DERA: variants seen among roughly 807,000 people sequenced by gnomAD.
DERA encodes 2-deoxy-D-ribose 5-phosphate aldolase.
In DERA, 15 loss-of-function variants were observed where a neutral mutation model predicts 41.1. The ratio of observed to expected loss-of-function variants is 0.37; its 90% CI spans 0.24 to 0.56. DERA has a LOEUF of 0.56. Ranked by LOEUF, DERA falls within the 20% of genes least tolerant of loss-of-function variation. The pLI is 0.81. For synonymous variants in DERA, 139 were observed against 137.4 expected, an observed-to-expected ratio of 1.01 and a Z score of -0.08; for missense variants, 396 against 403.4, an observed-to-expected ratio of 0.98 and a Z score of 0.16.
chr12:15,984,754 T>C lies in DERA; in HGVS notation c.637+2318T>C, dbSNP rs1483186550. ...TTGTGAGGCATAATATATGAAAGCA[T>C]GTAGCATACTTCCTGGCCTATAGTT... On this transcript the variant is annotated intron_variant, in intron 6 of 8. Coordinates refer to ENST00000428559, the MANE Select transcript of DERA (RefSeq NM_015954.4). This position sits in a 1 kb window ranked among gnomAD's most constrained non-coding sequence, Gnocchi z 4.5. Among the ~76,000 whole-genome samples the C allele has an allele frequency of 6.6e-6, 1 of 152,214 alleles. No homozygotes were observed. Among genetic ancestry groups the C allele is most frequent in the Non-Finnish European group, 1.5e-5 (1 of 68,030 alleles).
chr12:15,991,191 C>T (rs111823926), intron 6 of DERA, among the ~76,000 whole-genome samples: 9,915 of 152,114 alleles, frequency 0.065, 1,035 homozygotes, highest in African/African-American at 0.22. Flanking sequence ...TTTTGATTTG[C>T]GTTTCTCTAA....
chr12:15,998,662 T>A lies in DERA; in HGVS notation c.637+16226T>A, dbSNP rs1324999259. Among the ~76,000 whole-genome samples, 1 of 152,196 alleles carries A rather than the reference T, an allele frequency of 6.6e-6. No individual in the cohort carries two copies. The highest frequency in any genetic ancestry group is 1.5e-5 in the Non-Finnish European group (1 of 68,036). On this transcript the variant is annotated intron_variant, in intron 6 of 8. Coordinates refer to ENST00000428559, the MANE Select transcript of DERA (RefSeq NM_015954.4). The surrounding 1 kb of genome is among the most constrained non-coding windows in gnomAD (Gnocchi z 4.8). Reference sequence around the variant, plus strand: ...CTCACATTTGTAGTTCAGAGATGGCTTAAAGAGCTTCAGATTCTGAGGTAG... The same window carrying A: ...CTCACATTTGTAGTTCAGAGATGGCATAAAGAGCTTCAGATTCTGAGGTAG...
rs1459484577 is a variant in DERA, at chr12:15,924,876, A to G, written c.31+13462A>G. ...TTTCAGCCTTGTGTTTTTATGTTCT[A>G]ATGCTGCCTTATTAATAGGCTGCTT... On this transcript the variant is annotated intron_variant, in intron 1 of 8. Transcript: ENST00000428559. The surrounding 1 kb of genome is among the most constrained non-coding windows in gnomAD (Gnocchi z 5.0). 6.6e-6 allele frequency among the ~76,000 whole-genome samples: 1 copy of G among 152,154 alleles called. No homozygotes were observed. The highest frequency in any genetic ancestry group is 1.5e-5 in the Non-Finnish European group (1 of 68,026).
rs1340201637 is a variant in DERA, at chr12:16,008,450, A to G, written c.638-24092A>G. ...TAGCTGGTGGTGTCTTAGGGGTGTC[A>G]GCTGCACAGAGCAGAGTGTGTGAGG... is the stretch of plus-strand genomic sequence containing the variant. On this transcript the variant is annotated intron_variant, in intron 6 of 8. Coordinates refer to ENST00000428559, the MANE Select transcript of DERA (RefSeq NM_015954.4). The surrounding 1 kb of genome is among the most constrained non-coding windows in gnomAD (Gnocchi z 4.8). 1.3e-5 allele frequency among the ~76,000 whole-genome samples: 2 copies of G among 152,186 alleles called. No homozygotes were observed. Among genetic ancestry groups the G allele is most frequent in the African/African-American group, 4.8e-5 (2 of 41,448 alleles).
intron 1 of DERA, among the ~76,000 whole-genome samples, chr12:15,934,096 T>C (rs1948348535): frequency 6.6e-6 from 1 of 152,150 alleles, no homozygotes; most frequent in Admixed American, 6.5e-5. Context: ...TAAATTGTTA[T>C]CCATGGTTTT....
rs1053344884 is a variant in DERA, at chr12:15,918,864, A to G, written c.31+7450A>G. Reference sequence around the variant, plus strand: ...GTTTCTGACGGAGTAGTTTCTACAAAGGGACTAGCAAAAGCAGCCTGGCAT... The same window carrying G: ...GTTTCTGACGGAGTAGTTTCTACAAGGGGACTAGCAAAAGCAGCCTGGCAT... On this transcript the variant is annotated intron_variant, in intron 1 of 8. Transcript: ENST00000428559. The surrounding 1 kb of genome is among the most constrained non-coding windows in gnomAD (Gnocchi z 4.3). Among the ~76,000 whole-genome samples, 15 of 152,332 alleles carry G rather than the reference A, an allele frequency of 9.8e-5. No homozygotes were observed. Among genetic ancestry groups the G allele is most frequent in the African/African-American group, 2.4e-5 (1 of 41,578 alleles).
At chr12:15,960,034 T>C in intron 4 of DERA, 110 bp downstream of exon 4, 1 of 742,916 alleles carries the variant, frequency 1.3e-6, no homozygotes. Flanking sequence ...GTTTATGTAT[T>C]TAATTAGTTG....
At position 15,996,676 on chromosome 12, in the gene DERA, C is replaced by A. The variant is rs75552912; in HGVS notation, c.637+14240C>A. Among the ~76,000 whole-genome samples, 8,621 of 152,190 alleles carry A rather than the reference C, an allele frequency of 0.057. 333 individuals carry two copies. The highest frequency in any genetic ancestry group is 0.099 in the Middle Eastern group (29 of 294). On this transcript the variant is annotated intron_variant, in intron 6 of 8. Transcript: ENST00000428559. The surrounding 1 kb of genome is among the most constrained non-coding windows in gnomAD (Gnocchi z 4.7). The stretch of plus-strand genomic sequence containing the variant: ...ATTGAGGGGTGAGATTTTGACATCT[C>A]TTTTTTGGGGGAAACAATTCAAAGC...
chr12:15,925,701 A>G (rs1948276911), intron 1 of DERA, among the ~76,000 whole-genome samples: 1 of 151,842 alleles, frequency 6.6e-6, no homozygotes, highest in South Asian at 2.1e-4. Context: ...TTGAAGGTTT[A>G]GTCCCTGTGG....
chr12:15,934,647 C>T (rs1236266728), intron 1 of DERA, among the ~76,000 whole-genome samples: 2 of 151,790 alleles, frequency 1.3e-5, no homozygotes, highest in African/African-American at 4.8e-5. Context: ...AAATTCAAAA[C>T]AAAATGGGTG....
intron 1 of DERA, chr12:15,916,099 A>G (rs1948196877): frequency 2.0e-5 from 3 of 152,208 alleles, no homozygotes; most frequent in Admixed American, 6.5e-5. Flanking sequence ...GCCATAACCC[A>G]CATCTTAACC....
rs1289662715 is a variant in DERA, at chr12:15,954,953, A to G, written c.32-1983A>G. On this transcript the variant is annotated intron_variant, in intron 1 of 8. Transcript: ENST00000428559. This position sits in a 1 kb window ranked among gnomAD's most constrained non-coding sequence, Gnocchi z 4.0. ...TCATTTTTCTATATCTGCTTGAAAC[A>G]GTCTTTACCATGAACCAAATCAGCA... Among the ~76,000 whole-genome samples, 3 of 151,988 alleles carry G rather than the reference A, an allele frequency of 2.0e-5. No homozygotes were observed. Among genetic ancestry groups the G allele is most frequent in the African/African-American group, 7.2e-5 (3 of 41,398 alleles).
Position 15,938,548 on chromosome 12 carries a change from A to G in DERA, c.32-18388A>G, listed in dbSNP as rs988815137. 1.3e-5 allele frequency among the ~76,000 whole-genome samples: 2 copies of G among 152,156 alleles called. No homozygotes were observed. Among genetic ancestry groups the G allele is most frequent in the South Asian group, 4.1e-4 (2 of 4,834 alleles). Reference sequence around the variant, plus strand: ...TGCATTTTGTGTTTATTAAGTTTAAAATTCTTGATAGTTTTCAATTGATTC... The same window carrying G: ...TGCATTTTGTGTTTATTAAGTTTAAGATTCTTGATAGTTTTCAATTGATTC... On this transcript the variant is annotated intron_variant, in intron 1 of 8. Coordinates refer to ENST00000428559, the MANE Select transcript of DERA (RefSeq NM_015954.4). This position sits in a 1 kb window ranked among gnomAD's most constrained non-coding sequence, Gnocchi z 4.1.
rs1316422723 is a variant in DERA, at chr12:15,941,301, CAG to C, written c.32-15631_32-15630del. ...TAGCTGCTATAGCAAATGGGTATAA[CAG>C]AGACACAACAGTGTTGAATACTTCT... On this transcript the variant is annotated intron_variant, in intron 1 of 8. Coordinates refer to ENST00000428559, the MANE Select transcript of DERA (RefSeq NM_015954.4). This position sits in a 1 kb window ranked among gnomAD's most constrained non-coding sequence, Gnocchi z 4.5. Among the ~76,000 whole-genome samples, 4 of 152,102 alleles carry C rather than the reference CAG, an allele frequency of 2.6e-5. No individual in the cohort carries two copies. The highest frequency in any genetic ancestry group is 7.2e-5 in the African/African-American group (3 of 41,420).
intron 4 of DERA, among the ~76,000 whole-genome samples, chr12:15,961,526 T>A (rs936212096): frequency 6.6e-6 from 1 of 151,986 alleles, no homozygotes; most frequent in African/African-American, 2.4e-5. Context: ...TAAGTAAAAA[T>A]TTAAAAGGAG....
intron 1 of DERA, among the ~76,000 whole-genome samples, chr12:15,945,261 G>A (rs916755783): frequency 3.3e-5 from 5 of 152,176 alleles, no homozygotes; most frequent in African/African-American, 1.2e-4. Context: ...TTCCAATTCT[G>A]TGAAGAAAGT....
At chr12:16,028,507 A>G (rs1222283849) in intron 6 of DERA, among the ~76,000 whole-genome samples, 1 of 152,250 alleles carries the variant, frequency 6.6e-6, no homozygotes, top group Non-Finnish European at 1.5e-5. Flanking sequence ...GAGGTGGATT[A>G]TAACTTCCCA....
chr12:15,912,682 A>G (rs1244583362), intron 1 of DERA, among the ~76,000 whole-genome samples: 1 of 152,178 alleles, frequency 6.6e-6, no homozygotes, highest in Non-Finnish European at 1.5e-5. Flanking sequence ...GTATTAGTAT[A>G]TGGAGTTATG....
chr12:16,025,227 TA>T (rs1169236220), intron 6 of DERA, among the ~76,000 whole-genome samples: 2 of 152,180 alleles, frequency 1.3e-5, no homozygotes, highest in African/African-American at 4.8e-5. Context: ...GTAATTAGTT[TA>T]AATGTTAGTA....
Sources: gnomAD v4.1 joint callset for allele counts (sites outside exome capture counted in the v4.1 genomes callset) on GRCh38, gnomAD v4.1.1 for gene constraint, Gnocchi (gnomAD v3.1) non-coding constraint, MANE v1.5 for transcripts, NCBI Gene and HGNC (gene_info 2026-07-23, HGNC 2026-07-21) for gene names.